The following SPATA31C2 variants were observed in gnomAD, a reference collection of about 807,000 sequenced individuals.
SPATA31C2 encodes spermatogenesis-associated protein 31C2.
SPATA31C2 carries 5 observed loss-of-function variants against 11.4 expected under a neutral mutation model. That is an observed-to-expected ratio of 0.44 (90% CI 0.23 to 0.92). SPATA31C2 has a LOEUF of 0.92. Ranked by LOEUF, SPATA31C2 falls within the 40% of genes least tolerant of loss-of-function variation. The pLI is 0.24. For missense variants in SPATA31C2, 1,353 were observed against 1,368.6 expected, an observed-to-expected ratio of 0.99 and a Z score of 0.18; for synonymous variants, 515 against 538.7, an observed-to-expected ratio of 0.96 and a Z score of 0.61.
rs777821335 is a variant in SPATA31C2, at chr9:88,131,181, A to G, written c.1856T>C (p.Leu619Pro). Residue 619 changes from leucine (L) to proline (P), a missense_variant, in exon 4 of 4, where the codon CTA becomes CCA. This residue lies in a region of SPATA31C2 where 1,075 missense variants were observed against 992.8 expected (regional missense o/e 1.08). Coordinates refer to ENST00000324915, the MANE Select transcript of SPATA31C2 (RefSeq NM_001350978.3). ...VSNTHVKTSN[L>P]AAPKSRKACV... ...GGCTTTCCTGCTTTTCGGGGCTGCT[A>G]GATTGCTGGTTTTCACGTGGGTGTT... 10 of 1,611,714 alleles carry G rather than the reference A, an allele frequency of 6.2e-6. No individual in the cohort carries two copies. Among genetic ancestry groups the G allele is most frequent in the Admixed American group, 5.0e-5 (3 of 59,788 alleles).
chr9:88,131,444 G>A lies in SPATA31C2; in HGVS notation c.1593C>T (p.Gly531=). Residue 531 remains glycine, a synonymous_variant, in exon 4 of 4, where the codon GGC becomes GGT. Transcript: ENST00000324915. ...GAACCTTCCCTGGGAAGCTTTCCATGCCCCTGGATAGATTTTGTGGGGTCT... is the reference window on the plus strand; with the variant it reads ...GAACCTTCCCTGGGAAGCTTTCCATACCCCTGGATAGATTTTGTGGGGTCT... The part of the protein sequence containing the change: ...LGETPQNLSR[G]MESFPGKVLG... 2 of 1,611,936 alleles carry A rather than the reference G, an allele frequency of 1.2e-6. No individual in the cohort carries two copies. The highest frequency in any genetic ancestry group is 1.7e-6 in the Non-Finnish European group (2 of 1,179,854).
chr9:88,132,321 G>A lies in SPATA31C2; in HGVS notation c.716C>T (p.Thr239Ile). The change falls in exon 4 of 4, where the codon ACT becomes ATT. Residue 239 changes from threonine (T) to isoleucine (I), a missense_variant. Coordinates refer to ENST00000324915, the MANE Select transcript of SPATA31C2 (RefSeq NM_001350978.3). Reference sequence around the variant, plus strand: ...GTCACAGTGAGATGGTGTTAACAGAGTGGAGTCCCGCAGGGGAGGAGGAGT... The same window carrying A: ...GTCACAGTGAGATGGTGTTAACAGAATGGAGTCCCGCAGGGGAGGAGGAGT... ...GFTPPPLRDS[T>I]LLTPSHCDSV... The A allele has an allele frequency of 6.2e-7, 1 of 1,610,948 alleles. No homozygotes were observed. The highest frequency in any genetic ancestry group is 8.5e-7 in the Non-Finnish European group (1 of 1,177,832).
chr9:88,137,519 A>G lies in SPATA31C2; in HGVS notation c.189+739T>C, dbSNP rs1825697056. Among the ~76,000 whole-genome samples, 7 of 141,532 alleles carry G rather than the reference A, an allele frequency of 4.9e-5. No individual in the cohort carries two copies. The East Asian group carries it at 1.5e-3, about 30-fold the overall frequency. The allele number at this position is 141,532 out of a possible 152,430, so 92.9% of individuals were successfully genotyped here. On this transcript the variant is annotated intron_variant, in intron 1 of 3. Transcript: ENST00000324915. Reference sequence around the variant, plus strand: ...CGCCTGTAATCCCCAGCTACTCAGGACGCTAAGACAGGAGAATAGCTTGAA... The same window carrying G: ...CGCCTGTAATCCCCAGCTACTCAGGGCGCTAAGACAGGAGAATAGCTTGAA...
chr9:88,134,353 A>G (rs886395670), intron 1 of SPATA31C2, among the ~76,000 whole-genome samples: 6 of 142,496 alleles, frequency 4.2e-5, no homozygotes, highest in African/African-American at 1.5e-4. Context: ...GGGGCCCAGC[A>G]CAGGCCCCAT....
Position 88,132,913 on chromosome 9 carries a change from G to T in SPATA31C2, c.326+53C>A. ...CAGCTCCAGGCTGCCTGTGGCCCTG[G>T]GGTCACGTCCCAGCCCTGGTAGGAA... is the stretch of plus-strand genomic sequence containing the variant. On this transcript the variant is annotated intron_variant, in intron 3 of 3. Coordinates refer to ENST00000324915, the MANE Select transcript of SPATA31C2 (RefSeq NM_001350978.3). 3.7e-6 allele frequency: 5 copies of T among 1,343,302 alleles called. 1 individual carries two copies. The highest frequency in any genetic ancestry group is 4.9e-6 in the Non-Finnish European group (5 of 1,011,622). The allele number at this position is 1,343,302 out of a possible 1,614,324, so 83.2% of individuals were successfully genotyped here. A position where few individuals can be genotyped will look rare whatever the true frequency, so the allele number is the denominator to read the frequency against.
chr9:88,133,500 C>T, intron 2 of SPATA31C2, 94 bp downstream of exon 2: 1 of 1,519,478 alleles, frequency 6.6e-7, no homozygotes, highest in Non-Finnish European at 8.9e-7. Context: ...TAGGAGCCCC[C>T]ACCTCAGGTT....
intron 1 of SPATA31C2, among the ~76,000 whole-genome samples, chr9:88,134,472 C>T (rs1825653035): frequency 7.0e-6 from 1 of 141,862 alleles, no homozygotes; most frequent in African/African-American, 2.6e-5. Context: ...CGTCTCATGA[C>T]CAGAGACCTC....
At position 88,130,739 on chromosome 9, in the gene SPATA31C2, G is replaced by A. The variant is rs777457007; in HGVS notation, c.2298C>T (p.Gly766=). 1.6e-5 allele frequency: 26 copies of A among 1,613,474 alleles called. No individual in the cohort carries two copies. The South Asian group carries it at 2.7e-4, about 17-fold the overall frequency. The change falls in exon 4 of 4, where the codon GGC becomes GGT. Residue 766 remains glycine, a synonymous_variant. Coordinates refer to ENST00000324915, the MANE Select transcript of SPATA31C2 (RefSeq NM_001350978.3). ...SLKAPTAGQE[G]RWPSKPLTYS... ...ATGTGAGGGGCTTAGATGGCCACCT[G>A]CCCTCCTGTCCAGCTGTAGGAGCCT...
rs1221274473 is a variant in SPATA31C2, at chr9:88,129,316, C to A, written c.*316G>T. 3.5e-5 allele frequency: 19 copies of A among 543,982 alleles called. No homozygotes were observed. The highest frequency in any genetic ancestry group is 5.6e-5 in the Non-Finnish European group (19 of 337,244). The allele number at this position is 543,982 out of a possible 1,614,324, so 33.7% of individuals were successfully genotyped here. On this transcript the variant is annotated 3_prime_UTR_variant, in exon 4 of 4. Transcript: ENST00000324915. ...CCATCACCCTCTTATGAATAAAAAACCGTATATATTGTGGAATATTAAATG... is the reference window on the plus strand; with the variant it reads ...CCATCACCCTCTTATGAATAAAAAAACGTATATATTGTGGAATATTAAATG...
chr9:88,131,561 G>A lies in SPATA31C2; in HGVS notation c.1476C>T (p.Ser492=). The change falls in exon 4 of 4, where the codon TCC becomes TCT. Residue 492 remains serine (S), a synonymous_variant. Transcript: ENST00000324915. The part of the protein sequence containing the change: ...AKGKPRPWQS[S]TSTGESSKEA... The stretch of plus-strand genomic sequence containing the variant: ...CCTTGCTGCTTTCACCTGTGGACGT[G>A]GAGGACTGCCAGGGCCTGGGTTTGC... 1 of 1,611,774 alleles carries A rather than the reference G, an allele frequency of 6.2e-7. No individual in the cohort carries two copies. The highest frequency in any genetic ancestry group is 8.5e-7 in the Non-Finnish European group (1 of 1,179,754).
rs1386578774 is a variant in SPATA31C2, at chr9:88,130,793, G to C, written c.2244C>G (p.Ile748Met). 6.2e-7 allele frequency: 1 copy of C among 1,612,996 alleles called. No homozygotes were observed. Among genetic ancestry groups the C allele is most frequent in the Middle Eastern group, 1.9e-4 (1 of 5,222 alleles). ...CKQFQRAPRG[I>M]PSSNDHGSLK... ...AGGACCCATGATCATTCGAAGATGG[G>C]ATCCCTCGCGGGGCCCTCTGGAACT... is the stretch of plus-strand genomic sequence containing the variant. The change falls in exon 4 of 4, where the codon ATC becomes ATG. Residue 748 changes from isoleucine to methionine, a missense_variant. By Grantham distance (10) the Ile-to-Met change is conservative (BLOSUM62 1). Transcript: ENST00000324915.
At chr9:88,136,022 C>G (rs1314519186) in intron 1 of SPATA31C2, among the ~76,000 whole-genome samples, 1,820 of 126,648 alleles carry the variant, frequency 0.014, 6 homozygotes, top group Middle Eastern at 0.031. Flanking sequence ...CAACCTGTGC[C>G]TCCTGGGTTC....
Position 88,130,848 on chromosome 9 carries a change from C to T in SPATA31C2, c.2189G>A (p.Arg730Lys). ...LTKPSVHMPE[R>K]LQASSPACKQ... is the part of the protein sequence containing the mutation. ...ACATGCAGGTGAGGAGGCCTGAAGC[C>T]TCTCTGGCATGTGAACAGATGGTTT... Residue 730 changes from arginine (R) to lysine (K), a missense_variant, in exon 4 of 4, where the codon AGG (arginine) becomes AAG (lysine). By Grantham distance (26) the Arg-to-Lys change is conservative. Transcript: ENST00000324915. The T allele has an allele frequency of 6.2e-7, 1 of 1,613,564 alleles. No homozygotes were observed. The highest frequency in any genetic ancestry group is 1.3e-5 in the African/African-American group (1 of 75,054).
At position 88,129,410 on chromosome 9, in the gene SPATA31C2, GT is replaced by G; in HGVS notation, c.*221del. On this transcript the variant is annotated 3_prime_UTR_variant, in exon 4 of 4. Coordinates refer to ENST00000324915, the MANE Select transcript of SPATA31C2 (RefSeq NM_001350978.3). Reference sequence around the variant, plus strand: ...AGAGTGAATTTTTTCTTGGTGACTTGTTTTTCTCTAGGGAAGGCTAAAAAGG... The same window carrying G: ...AGAGTGAATTTTTTCTTGGTGACTTGTTTTCTCTAGGGAAGGCTAAAAAGG... 1 of 1,200,652 alleles carries G rather than the reference GT, an allele frequency of 8.3e-7. No homozygotes were observed. Among genetic ancestry groups the G allele is most frequent in the Non-Finnish European group, 1.1e-6 (1 of 880,884 alleles). The allele number at this position is 1,200,652 out of a possible 1,614,324, so 74.4% of individuals were successfully genotyped here.
intron 1 of SPATA31C2, among the ~76,000 whole-genome samples, chr9:88,136,755 T>A: frequency 7.2e-6 from 1 of 137,946 alleles, no homozygotes; most frequent in Non-Finnish European, 1.5e-5. Flanking sequence ...TTTCTTATTG[T>A]CTACCATCCC....
chr9:88,131,826 T>C lies in SPATA31C2; in HGVS notation c.1211A>G (p.Lys404Arg). The C allele has an allele frequency of 6.2e-7, 1 of 1,611,550 alleles. No homozygotes were observed. The highest frequency in any genetic ancestry group is 1.1e-5 in the South Asian group (1 of 90,978). Reference sequence around the variant, plus strand: ...TAAAGCCAACCCACCTTCTAGTTGTTTCTTCAACAAAGGCCTTTCAGGGTG... The same window carrying C: ...TAAAGCCAACCCACCTTCTAGTTGTCTCTTCAACAAAGGCCTTTCAGGGTG... ...TQHPERPLLKKQLEGGLALPS... is the reference protein window; with the variant it reads ...TQHPERPLLKRQLEGGLALPS... The change falls in exon 4 of 4, where the codon AAA becomes AGA. Residue 404 changes from lysine to arginine, a missense_variant. By Grantham distance (26) the Lys-to-Arg change is conservative. This residue lies in a region of SPATA31C2 where 1,075 missense variants were observed against 992.8 expected (regional missense o/e 1.08). Transcript: ENST00000324915.
chr9:88,131,968 G>A lies in SPATA31C2; in HGVS notation c.1069C>T (p.Leu357Phe), dbSNP rs781695360. ...GATAGGACTGGGAAAGAGGATTGAA[G>A]ATGGGCCTGAGCCTCGGCCTGAGCC... The part of the protein sequence containing the change: ...PMAQAEAQAH[L>F]QSSFPVLSPA... Residue 357 changes from leucine to phenylalanine, a missense_variant, in exon 4 of 4, where the codon CTT becomes TTT. This residue lies in a region of SPATA31C2 where 1,075 missense variants were observed against 992.8 expected (regional missense o/e 1.08). Transcript: ENST00000324915. The A allele has an allele frequency of 6.2e-7, 1 of 1,611,180 alleles. No individual in the cohort carries two copies. The highest frequency in any genetic ancestry group is 1.7e-5 in the Admixed American group (1 of 59,854).
chr9:88,130,735 A>G lies in SPATA31C2; in HGVS notation c.2302T>C (p.Trp768Arg). ...KAPTAGQEGR[W>R]PSKPLTYSLT... ...CTGTATGTGAGGGGCTTAGATGGCC[A>G]CCTGCCCTCCTGTCCAGCTGTAGGA... The change falls in exon 4 of 4, where the codon TGG (tryptophan) becomes CGG (arginine). Residue 768 changes from tryptophan (W) to arginine (R), a missense_variant. Around this residue, in one of 6 missense-constraint regions of SPATA31C2, gnomAD observed 1,075 missense variants for 992.8 expected, o/e 1.08. Transcript: ENST00000324915. 6.2e-7 allele frequency: 1 copy of G among 1,613,530 alleles called. No homozygotes were observed. The highest frequency in any genetic ancestry group is 8.5e-7 in the Non-Finnish European group (1 of 1,179,846).
rs1480807368 is a variant in SPATA31C2, at chr9:88,130,397, A to T, written c.2640T>A (p.Leu880=). The part of the protein sequence containing the change: ...QPQVSATVVL[L]PDGQASVVPH... ...GCACAACAGATGCTTGCCCATCTGG[A>T]AGGAGCACAACAGTGGCAGAAACTT... is the stretch of plus-strand genomic sequence containing the variant. Residue 880 remains leucine (L), a synonymous_variant, in exon 4 of 4, where the codon CTT becomes CTA. Transcript: ENST00000324915. 7 of 1,611,580 alleles carry T rather than the reference A, an allele frequency of 4.3e-6. No homozygotes were observed. Among genetic ancestry groups the T allele is most frequent in the Non-Finnish European group, 5.9e-6 (7 of 1,179,468 alleles).
Sources: gnomAD v4.1 joint callset for allele counts (sites outside exome capture counted in the v4.1 genomes callset) on GRCh38, gnomAD v4.1.1 for gene constraint, gnomAD v4.1.1 regional missense constraint, MANE v1.5 for transcripts, NCBI Gene and HGNC (gene_info 2026-07-23, HGNC 2026-07-21) for gene names.